The following PCDH15 variants were observed in gnomAD, a reference collection of about 807,000 sequenced individuals.
PCDH15 encodes protocadherin-15.
PCDH15 carries 129 observed loss-of-function variants against 178.5 expected under a neutral mutation model. The ratio of observed to expected loss-of-function variants is 0.72; its 90% CI spans 0.63 to 0.84. The LOEUF (loss-of-function observed/expected upper bound fraction) is 0.84. Among genes scored for constraint, PCDH15 ranks in the 40% least tolerant of loss-of-function variants. The pLI is 0.00. For synonymous variants in PCDH15, 800 were observed against 732.0 expected, an observed-to-expected ratio of 1.09 and a Z score of -1.50; for missense variants, 2,230 against 2,099.9, an observed-to-expected ratio of 1.06 and a Z score of -1.21.
chr10:55,297,043 A>G (rs961003545), intron 1 of PCDH15, among the ~76,000 whole-genome samples: 27 of 152,304 alleles, frequency 1.8e-4, no homozygotes, highest in African/African-American at 6.5e-4. Flanking sequence ...ACTACAAACC[A>G]GGTACTCCAT....
At chr10:54,301,248 T>G (rs2133267771) in intron 8 of PCDH15, among the ~76,000 whole-genome samples, 1 of 152,264 alleles carries the variant, frequency 6.6e-6, no homozygotes, top group South Asian at 2.1e-4. Flanking sequence ...TCCAAAACAT[T>G]AAATCAGACT....
intron 2 of PCDH15, among the ~76,000 whole-genome samples, chr10:55,620,983 A>G (rs1453973377): frequency 6.6e-6 from 1 of 151,884 alleles, no homozygotes; most frequent in Non-Finnish European, 1.5e-5. Flanking sequence ...ATGTTAATTT[A>G]ATACATAATG....
intron 26 of PCDH15, among the ~76,000 whole-genome samples, chr10:53,872,959 C>G (rs766667118): frequency 3.2e-4 from 48 of 152,326 alleles, no homozygotes; most frequent in Admixed American, 1.2e-3. Flanking sequence ...ATGCCTTAAT[C>G]TGAATCACTC....
At chr10:54,832,293 T>C (rs73254086) in intron 3 of PCDH15, among the ~76,000 whole-genome samples, 1 of 152,154 alleles carries the variant, frequency 6.6e-6, no homozygotes, top group Non-Finnish European at 1.5e-5. Flanking sequence ...TCAGACCTGA[T>C]TTAACTCTGA....
chr10:54,230,034 T>C (rs983923289), intron 9 of PCDH15, among the ~76,000 whole-genome samples: 1 of 152,226 alleles, frequency 6.6e-6, no homozygotes, highest in East Asian at 1.9e-4. Flanking sequence ...AGTAGATTAT[T>C]TCTACTGATT....
chr10:55,568,022 A>G (rs1162883440), intron 2 of PCDH15, among the ~76,000 whole-genome samples: 2 of 152,038 alleles, frequency 1.3e-5, no homozygotes, highest in African/African-American at 2.4e-5. Context: ...TGAATCATCA[A>G]AAATTCAACA....
chr10:54,966,224 G>A (rs183434929), intron 2 of PCDH15, among the ~76,000 whole-genome samples: 17 of 151,954 alleles, frequency 1.1e-4, no homozygotes, highest in African/African-American at 3.9e-4. Context: ...GCATGGTAGG[G>A]AGAAAAGATA....
chr10:54,274,613 T>G (rs965480109), intron 8 of PCDH15, among the ~76,000 whole-genome samples: 1 of 115,608 alleles, frequency 8.6e-6, no homozygotes, highest in Non-Finnish European at 1.7e-5. Flanking sequence ...AAACTCAGTT[T>G]AATTGTGTGT....
chr10:55,468,039 G>A (rs1839874923), intron 2 of PCDH15, among the ~76,000 whole-genome samples: 1 of 149,220 alleles, frequency 6.7e-6, no homozygotes, highest in Non-Finnish European at 1.5e-5. Context: ...CCCGATGGTC[G>A]TTTCTTAACT....
chr10:55,415,815 A>G (rs113430375), intron 2 of PCDH15, among the ~76,000 whole-genome samples: 1,890 of 151,848 alleles, frequency 0.012, 50 homozygotes, highest in African/African-American at 0.044. Context: ...AGACTGAGGT[A>G]CCCATTCATA....
At chr10:53,874,248 T>C (rs11003895) in intron 26 of PCDH15, among the ~76,000 whole-genome samples, 11,129 of 152,040 alleles carry the variant, frequency 0.073, 1,197 homozygotes, top group African/African-American at 0.23. Flanking sequence ...TATTAAGATT[T>C]CCCTCCCCAG....
intron 13 of PCDH15, among the ~76,000 whole-genome samples, chr10:54,155,642 T>A (rs1417853665): frequency 6.6e-6 from 1 of 151,988 alleles, no homozygotes; most frequent in Non-Finnish European, 1.5e-5. Context: ...ATCATAATAG[T>A]GTCTTCCATG....
intron 2 of PCDH15, among the ~76,000 whole-genome samples, chr10:55,364,434 T>C (rs1845303657): frequency 6.6e-6 from 1 of 152,192 alleles, no homozygotes; most frequent in Admixed American, 6.5e-5. Context: ...TTCTGAGAAA[T>C]GTACAGTCAT....
At chr10:54,047,919 T>A (rs2093688809) in intron 18 of PCDH15, among the ~76,000 whole-genome samples, 1 of 152,220 alleles carries the variant, frequency 6.6e-6, no homozygotes, top group Non-Finnish European at 1.5e-5. Context: ...TATTTTCCTT[T>A]GGGTATATAC....
Position 53,802,812 on chromosome 10 carries a change from T to TAAC in PCDH15, c.*3764_*3766dup, listed in dbSNP as rs1157709543. ...TATTTTTGAAACATTGTGTAGTGAATAACAATGCATTTTAACTTAAAACTT... is the reference window on the plus strand; with the variant it reads ...TATTTTTGAAACATTGTGTAGTGAATAACAACAATGCATTTTAACTTAAAACTT... On this transcript the variant is annotated 3_prime_UTR_variant, in exon 38 of 38. Transcript: ENST00000644397. 5 of 152,074 alleles carry TAAC rather than the reference T, an allele frequency of 3.3e-5. No homozygotes were observed. Among genetic ancestry groups the TAAC allele is most frequent in the East Asian group, 3.9e-4 (2 of 5,176 alleles). The allele number at this position is 152,074 out of a possible 1,614,324, so 9.4% of individuals were successfully genotyped here.
chr10:54,201,925 C>G (rs190018369), intron 10 of PCDH15, among the ~76,000 whole-genome samples: 1 of 152,198 alleles, frequency 6.6e-6, no homozygotes, highest in Non-Finnish European at 1.5e-5. Context: ...GAATGGGCCT[C>G]ACCCAGCCCC....
At chr10:54,756,091 A>G (rs1947068328) in intron 1 of PCDH15, among the ~76,000 whole-genome samples, 2 of 151,036 alleles carry the variant, frequency 1.3e-5, no homozygotes, top group African/African-American at 4.9e-5. Flanking sequence ...ACACACACAC[A>G]CACACAAAAT....
chr10:55,479,176 G>C (rs1012733351), intron 2 of PCDH15, among the ~76,000 whole-genome samples: 5 of 151,228 alleles, frequency 3.3e-5, no homozygotes, highest in Non-Finnish European at 3.0e-5. Context: ...AAATCAGATA[G>C]GGATGCAACA....
At position 54,251,409 on chromosome 10, in the gene PCDH15, C is replaced by A. The variant is rs1411237122; in HGVS notation, c.877-14478G>T. Among the ~76,000 whole-genome samples, 13 of 152,258 alleles carry A rather than the reference C, an allele frequency of 8.5e-5. No individual in the cohort carries two copies. The South Asian group carries it at 2.7e-3, about 32-fold the overall frequency. Reference sequence around the variant, plus strand: ...TCTTTGTTATTGTACTTGCTTACTTCTCCTGGTTTATTAATAAACACAAAC... The same window carrying A: ...TCTTTGTTATTGTACTTGCTTACTTATCCTGGTTTATTAATAAACACAAAC... On this transcript the variant is annotated intron_variant, in intron 8 of 37. Transcript: ENST00000644397.
Sources: gnomAD v4.1 joint callset for allele counts (sites outside exome capture counted in the v4.1 genomes callset) on GRCh38, gnomAD v4.1.1 for gene constraint, MANE v1.5 for transcripts, NCBI Gene and HGNC (gene_info 2026-07-23, HGNC 2026-07-21) for gene names.